The following GDPD1 variants were observed in gnomAD, a reference collection of about 807,000 sequenced individuals.
GDPD1 encodes the protein lysophospholipase D GDPD1.
A neutral mutation model predicts 45.1 loss-of-function variants in GDPD1; 28 were observed. The ratio of observed to expected loss-of-function variants is 0.62; its 90% CI spans 0.46 to 0.85. The LOEUF is 0.85. Among genes scored for constraint, GDPD1 ranks in the 40% least tolerant of loss-of-function variants. The pLI is 0.00. For missense variants in GDPD1, 256 were observed against 364.8 expected, an observed-to-expected ratio of 0.70 and a Z score of 2.43; for synonymous variants, 139 against 131.4, an observed-to-expected ratio of 1.06 and a Z score of -0.40.
At chr17:59,253,665 C>T (rs1377510686) in intron 4 of GDPD1, among the ~76,000 whole-genome samples, 1 of 152,140 alleles carries the variant, frequency 6.6e-6, no homozygotes, top group Non-Finnish European at 1.5e-5. Context: ...TTCTTACATG[C>T]ATCTTACTTG....
chr17:59,233,234 C>T (rs1030946413), intron 1 of GDPD1, among the ~76,000 whole-genome samples: 2 of 151,684 alleles, frequency 1.3e-5, no homozygotes, highest in Non-Finnish European at 2.9e-5. Context: ...ACAAAACAGG[C>T]CGGGCGCGGT....
intron 6 of GDPD1, among the ~76,000 whole-genome samples, chr17:59,259,962 G>A (rs1170505854): frequency 6.9e-6 from 1 of 145,730 alleles, no homozygotes; most frequent in Non-Finnish European, 1.5e-5. Flanking sequence ...TTGGGAAGCT[G>A]AGGTGGAAGG....
chr17:59,265,308 G>T (rs1248496887), intron 6 of GDPD1, among the ~76,000 whole-genome samples: 1 of 152,018 alleles, frequency 6.6e-6, no homozygotes, highest in Non-Finnish European at 1.5e-5. Flanking sequence ...GCTGAGGTAG[G>T]AGAAATGCTT....
chr17:59,254,286 G>A (rs1318318502), intron 4 of GDPD1, among the ~76,000 whole-genome samples: 4 of 151,730 alleles, frequency 2.6e-5, no homozygotes, highest in African/African-American at 9.7e-5. Context: ...ACTTGAACCC[G>A]GGAGGCAGAG....
chr17:59,275,176 TG>T lies in GDPD1; in HGVS notation c.*1405del. On this transcript the variant is annotated 3_prime_UTR_variant, in exon 10 of 10. Transcript: ENST00000284116. ...AATTTTGAAGGCCATTGCAGCTATT[TG>T]GTAGTGTCTTGTTATTTCTAGGTGT... The T allele has an allele frequency of 6.5e-7, 1 of 1,537,386 alleles. No individual in the cohort carries two copies. Among genetic ancestry groups the T allele is most frequent in the South Asian group, 1.2e-5 (1 of 84,056 alleles).
At chr17:59,255,190 A>G (rs1254775473) in intron 4 of GDPD1, among the ~76,000 whole-genome samples, 2 of 152,148 alleles carry the variant, frequency 1.3e-5, no homozygotes, top group African/African-American at 2.4e-5. Flanking sequence ...GATTTTCACC[A>G]TTTTGTTATT....
At chr17:59,221,580 T>C (rs1402465995) in intron 1 of GDPD1, among the ~76,000 whole-genome samples, 1 of 152,116 alleles carries the variant, frequency 6.6e-6, no homozygotes, top group Admixed American at 6.6e-5. Flanking sequence ...TTTGGAAAAG[T>C]GTTTTGCTAA....
At chr17:59,264,577 T>C (rs923077096) in intron 6 of GDPD1, among the ~76,000 whole-genome samples, 15 of 151,034 alleles carry the variant, frequency 9.9e-5, no homozygotes, top group African/African-American at 3.6e-4. Context: ...CAAGTGTGAG[T>C]CACCGCACCT....
At chr17:59,252,454 G>A (rs550170003) in intron 4 of GDPD1, among the ~76,000 whole-genome samples, 11 of 151,908 alleles carry the variant, frequency 7.2e-5, no homozygotes, top group Admixed American at 4.6e-4. Context: ...GGCCAGGCTA[G>A]TCTTGAATTC....
At chr17:59,221,005 G>GA (rs2046999779) in intron 1 of GDPD1, among the ~76,000 whole-genome samples, 1 of 152,062 alleles carries the variant, frequency 6.6e-6, no homozygotes, top group African/African-American at 2.4e-5. Flanking sequence ...TCTGAAACGG[G>GA]AAAGACACGG....
At chr17:59,233,588 T>G (rs940942039) in intron 1 of GDPD1, among the ~76,000 whole-genome samples, 1 of 152,236 alleles carries the variant, frequency 6.6e-6, no homozygotes, top group Non-Finnish European at 1.5e-5. Flanking sequence ...CTGCCTTTTT[T>G]GTTGCTGTTT....
chr17:59,221,569 TTTTGGAA>T (rs1301839327), intron 1 of GDPD1, among the ~76,000 whole-genome samples: 3 of 152,144 alleles, frequency 2.0e-5, no homozygotes, highest in Non-Finnish European at 4.4e-5. Context: ...AATAAGTTTC[TTTTGGAA>T]AAGTGTTTTG....
chr17:59,240,579 C>G (rs918327119), intron 2 of GDPD1, among the ~76,000 whole-genome samples: 3 of 152,024 alleles, frequency 2.0e-5, no homozygotes, highest in African/African-American at 7.2e-5. Context: ...AGCGATCCTC[C>G]TGCCTCAGCA....
intron 3 of GDPD1, among the ~76,000 whole-genome samples, chr17:59,246,722 A>AAAAAAAAAAAAAAAAG (rs2047214645): frequency 6.7e-6 from 1 of 149,646 alleles, no homozygotes; most frequent in Admixed American, 6.7e-5. Context: ...AAAAAAAAAA[A>AAAAAAAAAAAAAAAAG]AAAAAAAAAA....
chr17:59,255,784 T>TATATATACAC (rs1215280964), intron 4 of GDPD1, among the ~76,000 whole-genome samples: 1 of 58,138 alleles, frequency 1.7e-5, no homozygotes, highest in African/African-American at 1.3e-4. Flanking sequence ...TATATATATA[T>TATATATACAC]ACGCGTATAT....
intron 6 of GDPD1, among the ~76,000 whole-genome samples, chr17:59,261,231 G>T (rs2047353201): frequency 6.6e-6 from 1 of 152,140 alleles, no homozygotes; most frequent in African/African-American, 2.4e-5. Context: ...CTCCCAAAGT[G>T]CTGGTATTAC....
chr17:59,237,687 G>A (rs930241471), intron 2 of GDPD1, among the ~76,000 whole-genome samples: 1 of 152,098 alleles, frequency 6.6e-6, no homozygotes, highest in Non-Finnish European at 1.5e-5. Flanking sequence ...AATAGTTGGT[G>A]TGGGAAGCCT....
intron 4 of GDPD1, among the ~76,000 whole-genome samples, chr17:59,254,309 C>T (rs528781868): frequency 4.7e-5 from 7 of 148,122 alleles, no homozygotes; most frequent in East Asian, 2.0e-4. Context: ...TGCGATGAGC[C>T]GAGATGGCAC....
At chr17:59,261,525 C>G (rs2047355534) in intron 6 of GDPD1, among the ~76,000 whole-genome samples, 1 of 151,778 alleles carries the variant, frequency 6.6e-6, no homozygotes, top group South Asian at 2.1e-4. Flanking sequence ...AAAACAAGGA[C>G]TTGCTCTGTC....
Sources: allele counts gnomAD v4.1 joint callset (sites outside exome capture counted in the v4.1 genomes callset), GRCh38; gene constraint gnomAD v4.1.1; transcripts MANE v1.5; gene names NCBI Gene and HGNC (gene_info 2026-07-23, HGNC 2026-07-21).